The following QKI variants were observed in gnomAD, a reference collection of about 807,000 sequenced individuals.
QKI encodes KH domain-containing RNA-binding protein QKI.
A neutral mutation model predicts 39.0 loss-of-function variants in QKI; 10 were observed. The observed-to-expected ratio is 0.26, with a 90% CI of 0.16 to 0.43. The LOEUF (loss-of-function observed/expected upper bound fraction) is 0.43. QKI is among the 20% of genes least tolerant of loss of function. The pLI is 1.00. For missense variants in QKI, 218 were observed against 428.0 expected, an observed-to-expected ratio of 0.51 and a Z score of 4.33; for synonymous variants, 204 against 155.4, an observed-to-expected ratio of 1.31 and a Z score of -2.33.
intron 3 of QKI, among the ~76,000 whole-genome samples, chr6:163,485,971 GTT>G (rs1472613326): frequency 3.3e-5 from 5 of 152,196 alleles, no homozygotes; most frequent in Non-Finnish European, 2.9e-5. Context: ...TTTTAAGAAA[GTT>G]TATGAATTTG....
rs982974226 is a variant in QKI, at chr6:163,482,171, C to T, written c.402+3275C>T. 5.3e-5 allele frequency among the ~76,000 whole-genome samples: 8 copies of T among 151,990 alleles called. No individual in the cohort carries two copies. The East Asian group carries it at 1.2e-3, about 22-fold the overall frequency. On this transcript the variant is annotated intron_variant, in intron 3 of 7. Transcript: ENST00000361752. ...CTGCACTCCAGCTTGGGTGACAGAACGAGACTCTGTCTCGGGGGAAAAAAG... is the reference window on the plus strand; with the variant it reads ...CTGCACTCCAGCTTGGGTGACAGAATGAGACTCTGTCTCGGGGGAAAAAAG...
intron 3 of QKI, among the ~76,000 whole-genome samples, chr6:163,509,210 C>G (rs1779286812): frequency 6.6e-6 from 1 of 151,980 alleles, no homozygotes; most frequent in Admixed American, 6.6e-5. Context: ...AATTCTATAA[C>G]CAGTGAAAAT....
intron 1 of QKI, 147 bp downstream of exon 1, chr6:163,415,482 A>C: frequency 1.5e-6 from 1 of 660,682 alleles, no homozygotes; most frequent in Non-Finnish European, 2.1e-6. Flanking sequence ...CGCACAAAGG[A>C]GGTGCCGGGC....
At chr6:163,481,726 T>A (rs1793090315) in intron 3 of QKI, among the ~76,000 whole-genome samples, 1 of 152,238 alleles carries the variant, frequency 6.6e-6, no homozygotes, top group Non-Finnish European at 1.5e-5. Flanking sequence ...AGCATTGATT[T>A]AGTGCATAAA....
At chr6:163,491,258 C>A (rs1778037464) in intron 3 of QKI, among the ~76,000 whole-genome samples, 2 of 152,022 alleles carry the variant, frequency 1.3e-5, no homozygotes, top group Admixed American at 6.6e-5. Context: ...ATATTTAACC[C>A]CATTTAAAAC....
intron 7 of QKI, chr6:163,569,871 C>G: frequency 3.0e-6 from 3 of 987,348 alleles, no homozygotes; most frequent in Non-Finnish European, 3.6e-6. Context: ...TTTTGATGTA[C>G]TTAGAGCTTT....
At chr6:163,545,797 A>AT (rs1335163015) in intron 4 of QKI, among the ~76,000 whole-genome samples, 3 of 151,940 alleles carry the variant, frequency 2.0e-5, no homozygotes, top group South Asian at 2.1e-4. Context: ...TGTAAAAAAA[A>AT]GGGACCCTGG....
Position 163,546,765 on chromosome 6 carries a change from T to G in QKI, c.546+11640T>G, listed in dbSNP as rs566983045. 2.5e-3 allele frequency among the ~76,000 whole-genome samples: 381 copies of G among 152,180 alleles called. 1 individual carries two copies. Among genetic ancestry groups the G allele is most frequent in the African/African-American group, 8.8e-3 (367 of 41,566 alleles). On this transcript the variant is annotated intron_variant, in intron 4 of 7. Coordinates refer to ENST00000361752, the MANE Select transcript of QKI (RefSeq NM_006775.3). ...TTGGTAGCTCATTATAGCTTTATTT[T>G]TGGTTGTATTTTTAATAACTATTTT...
chr6:163,518,537 A>AT (rs1779967042), intron 3 of QKI, among the ~76,000 whole-genome samples: 1 of 152,138 alleles, frequency 6.6e-6, no homozygotes, highest in Admixed American at 6.5e-5. Flanking sequence ...CTTGCATATA[A>AT]TTTTCAACAC....
In QKI at chr6:163,415,011, G is replaced by C. The variant is rs950220079; in HGVS notation, c.-183G>C. 1.4e-5 allele frequency: 7 copies of C among 485,556 alleles called. No individual in the cohort carries two copies. Among genetic ancestry groups the C allele is most frequent in the Non-Finnish European group, 1.9e-5 (7 of 376,070 alleles). 30.1% of individuals were successfully genotyped at this position (485,556 alleles called of 1,614,324 possible). On this transcript the variant is annotated 5_prime_UTR_variant, in exon 1 of 8. Coordinates refer to ENST00000361752, the MANE Select transcript of QKI (RefSeq NM_006775.3). ...CGGGCCCGGGCGGAAAGTGCCTGCG[G>C]GGGGCGGGCGAGCGCGCGGTGCCGG...
At chr6:163,524,136 G>A (rs112764292) in intron 3 of QKI, among the ~76,000 whole-genome samples, 10 of 152,112 alleles carry the variant, frequency 6.6e-5, no homozygotes, top group East Asian at 1.9e-4. Flanking sequence ...TGTACCGGTC[G>A]TCCTTTACGT....
chr6:163,503,124 G>A (rs1357759741), intron 3 of QKI, among the ~76,000 whole-genome samples: 1 of 141,616 alleles, frequency 7.1e-6, no homozygotes, highest in Non-Finnish European at 1.5e-5. Context: ...TTTCATGTTT[G>A]TTGGCCCCTT....
At chr6:163,543,269 T>C (rs1163841387) in intron 4 of QKI, among the ~76,000 whole-genome samples, 1 of 152,072 alleles carries the variant, frequency 6.6e-6, no homozygotes, top group African/African-American at 2.4e-5. Context: ...CTTTTCATTT[T>C]ATTGGGAGAG....
chr6:163,460,444 T>C (rs1008604332), intron 2 of QKI, among the ~76,000 whole-genome samples: 16 of 152,208 alleles, frequency 1.1e-4, no homozygotes, highest in African/African-American at 3.9e-4. Context: ...TACACTCCAC[T>C]GTCTCTCTTA....
At chr6:163,542,519 G>A (rs1318862848) in intron 4 of QKI, among the ~76,000 whole-genome samples, 1 of 152,026 alleles carries the variant, frequency 6.6e-6, no homozygotes, top group Non-Finnish European at 1.5e-5. Context: ...CCATTGGGGA[G>A]ATAGAGTACT....
At chr6:163,479,280 C>G (rs1210112855) in intron 3 of QKI, among the ~76,000 whole-genome samples, 3 of 152,190 alleles carry the variant, frequency 2.0e-5, no homozygotes, top group Non-Finnish European at 4.4e-5. Context: ...AGCTCTGTCT[C>G]AAAAACGAAC....
chr6:163,417,408 A>G (rs1042587260), intron 1 of QKI, among the ~76,000 whole-genome samples: 1 of 152,206 alleles, frequency 6.6e-6, no homozygotes, highest in African/African-American at 2.4e-5. Context: ...AAGTTTGAAA[A>G]TACTTTCACC....
intron 6 of QKI, chr6:163,564,485 T>C: frequency 3.5e-6 from 5 of 1,425,922 alleles, no homozygotes; most frequent in South Asian, 1.6e-5. Context: ...CCTAGTCATA[T>C]TAAACATGAG....
chr6:163,569,600 T>A, intron 7 of QKI: 3 of 1,024,886 alleles, frequency 2.9e-6, no homozygotes, highest in Non-Finnish European at 3.5e-6. Context: ...CTCAAGGACA[T>A]TGGGAATGAT....
Sources: gnomAD v4.1 joint callset for allele counts (sites outside exome capture counted in the v4.1 genomes callset) on GRCh38, gnomAD v4.1.1 for gene constraint, MANE v1.5 for transcripts, NCBI Gene and HGNC (gene_info 2026-07-23, HGNC 2026-07-21) for gene names.